The following RAB3C variants were observed in gnomAD, a reference collection of about 807,000 sequenced individuals.
RAB3C encodes ras-related protein Rab-3C.
RAB3C carries 17 observed loss-of-function variants against 26.4 expected under a neutral mutation model. That is an observed-to-expected ratio of 0.64 (90% CI 0.44 to 0.97). The LOEUF is 0.97. Ranked by LOEUF, RAB3C falls within the 50% of genes least tolerant of loss-of-function variation. The pLI is 0.00. For synonymous variants in RAB3C, 91 were observed against 95.9 expected, an observed-to-expected ratio of 0.95 and a Z score of 0.30; for missense variants, 242 against 281.9, an observed-to-expected ratio of 0.86 and a Z score of 1.01.
intron 2 of RAB3C, among the ~76,000 whole-genome samples, chr5:58,666,250 G>A (rs1343337620): frequency 6.6e-6 from 1 of 152,170 alleles, no homozygotes; most frequent in Non-Finnish European, 1.5e-5. Context: ...TTTATTGTTT[G>A]TAATGTTCAT....
At chr5:58,679,050 C>T (rs1364248466) in intron 2 of RAB3C, among the ~76,000 whole-genome samples, 1 of 152,126 alleles carries the variant, frequency 6.6e-6, no homozygotes, top group Non-Finnish European at 1.5e-5. Context: ...TTCTTCCACC[C>T]CAATGATGCA....
At chr5:58,582,826 C>T (rs930720099), upstream of RAB3C, among the ~76,000 whole-genome samples, 1 of 152,178 alleles carries the variant, frequency 6.6e-6, no homozygotes, top group Non-Finnish European at 1.5e-5. Flanking sequence ...ATTCGCCTGC[C>T]CCTGGCGAGG....
chr5:58,754,026 T>C (rs935458405), intron 3 of RAB3C, among the ~76,000 whole-genome samples: 3 of 151,838 alleles, frequency 2.0e-5, no homozygotes, highest in African/African-American at 7.3e-5. Context: ...GGTCGGGGGG[T>C]TGGAAGTCGG....
chr5:58,608,273 G>C (rs1485548660), intron 1 of RAB3C, among the ~76,000 whole-genome samples: 2 of 151,798 alleles, frequency 1.3e-5, no homozygotes, highest in Non-Finnish European at 2.9e-5. Context: ...AAAAGAGCAG[G>C]GGTTGCATCT....
At chr5:58,677,185 G>A (rs1440566007) in intron 2 of RAB3C, among the ~76,000 whole-genome samples, 1 of 152,086 alleles carries the variant, frequency 6.6e-6, no homozygotes. Context: ...AAAGACACTA[G>A]TCATATTGGA....
intron 2 of RAB3C, among the ~76,000 whole-genome samples, chr5:58,630,067 C>T (rs542999503): frequency 6.6e-6 from 1 of 152,236 alleles, no homozygotes; most frequent in African/African-American, 2.4e-5. Flanking sequence ...ATATACCTAA[C>T]TCAGAACCAA....
intron 3 of RAB3C, among the ~76,000 whole-genome samples, chr5:58,792,113 G>C (rs1268047896): frequency 6.6e-6 from 1 of 152,212 alleles, no homozygotes; most frequent in East Asian, 1.9e-4. Context: ...GAAATTAGTT[G>C]ATAATGGGAG....
At chr5:58,697,479 G>A (rs1748739483) in intron 2 of RAB3C, among the ~76,000 whole-genome samples, 1 of 152,156 alleles carries the variant, frequency 6.6e-6, no homozygotes, top group Non-Finnish European at 1.5e-5. Context: ...GGATATCCTT[G>A]TTAAGCTTCT....
In RAB3C at chr5:58,655,446, T is replaced by G. The variant is rs528074290; in HGVS notation, c.252+37576T>G. 2.6e-5 allele frequency among the ~76,000 whole-genome samples: 4 copies of G among 152,346 alleles called. No individual in the cohort carries two copies. In the East Asian group the frequency reaches 7.7e-4, roughly 29 times the overall value. ...CAGAGAAAGATAAAACCGGAATCGC[T>G]CTTTGATTGTCGTGTAATTGTTGGG... On this transcript the variant is annotated intron_variant, in intron 2 of 4. Coordinates refer to ENST00000282878, the MANE Select transcript of RAB3C (RefSeq NM_138453.4).
chr5:58,587,859 C>G lies in RAB3C; in HGVS notation c.24+4627C>G, dbSNP rs373962750. ...TGGGAAGGTTCAAAAGTCACTCAGCCCTGCAGAGTGACTTAACCATAGGAG... is the reference window on the plus strand; with the variant it reads ...TGGGAAGGTTCAAAAGTCACTCAGCGCTGCAGAGTGACTTAACCATAGGAG... On this transcript the variant is annotated intron_variant, in intron 1 of 4. Coordinates refer to ENST00000282878, the MANE Select transcript of RAB3C (RefSeq NM_138453.4). Among the ~76,000 whole-genome samples, 16 of 152,098 alleles carry G rather than the reference C, an allele frequency of 1.1e-4. 1 individual carries two copies. In the South Asian group the frequency reaches 1.7e-3, roughly 16 times the overall value.
At chr5:58,588,500 T>G (rs1746059391) in intron 1 of RAB3C, among the ~76,000 whole-genome samples, 1 of 152,240 alleles carries the variant, frequency 6.6e-6, no homozygotes, top group African/African-American at 2.4e-5. Context: ...GCCACTTATA[T>G]ATCTTCCCTT....
intron 2 of RAB3C, among the ~76,000 whole-genome samples, chr5:58,664,661 A>G (rs758316492): frequency 6.6e-6 from 1 of 152,152 alleles, no homozygotes; most frequent in Admixed American, 6.6e-5. Context: ...ATCTCTTTAT[A>G]TCATTTCTTA....
intron 4 of RAB3C, among the ~76,000 whole-genome samples, chr5:58,831,847 G>T (rs1379502248): frequency 2.0e-5 from 3 of 152,154 alleles, no homozygotes; most frequent in Non-Finnish European, 4.4e-5. Flanking sequence ...TATAGAGAAA[G>T]GTTCTCGATC....
chr5:58,714,019 G>A (rs1011493969), intron 2 of RAB3C, among the ~76,000 whole-genome samples: 5 of 152,174 alleles, frequency 3.3e-5, no homozygotes, highest in African/African-American at 1.2e-4. Flanking sequence ...GAATGTAAAT[G>A]TAGCCACATC....
intron 3 of RAB3C, among the ~76,000 whole-genome samples, chr5:58,730,643 G>C (rs1024837448): frequency 6.6e-6 from 1 of 152,016 alleles, no homozygotes; most frequent in Non-Finnish European, 1.5e-5. Context: ...CCAACAAAAT[G>C]CACTTTGATT....
chr5:58,710,494 G>A (rs1252127615), intron 2 of RAB3C, among the ~76,000 whole-genome samples: 1 of 151,954 alleles, frequency 6.6e-6, no homozygotes, highest in Non-Finnish European at 1.5e-5. Flanking sequence ...AGCTACTCAA[G>A]AGGCTGAGGC....
chr5:58,794,584 T>G (rs1432178510), intron 3 of RAB3C: 1 of 152,188 alleles, frequency 6.6e-6, no homozygotes, highest in East Asian at 1.9e-4. Context: ...GTGTGAATAT[T>G]CACCAATCTA....
At chr5:58,828,479 C>T (rs1408191831) in intron 4 of RAB3C, among the ~76,000 whole-genome samples, 2 of 152,192 alleles carry the variant, frequency 1.3e-5, no homozygotes, top group Non-Finnish European at 2.9e-5. Flanking sequence ...CACCACTCCT[C>T]TCTCTCTACA....
At chr5:58,591,898 A>AT (rs36103498) in intron 1 of RAB3C, among the ~76,000 whole-genome samples, 151 of 118,584 alleles carry the variant, frequency 1.3e-3, no homozygotes, top group South Asian at 0.011. Context: ...TTCTTTTTCT[A>AT]TTTTTTTTTT....
Sources: allele counts gnomAD v4.1 joint callset (sites outside exome capture counted in the v4.1 genomes callset), GRCh38; gene constraint gnomAD v4.1.1; transcripts MANE v1.5; gene names NCBI Gene and HGNC (gene_info 2026-07-23, HGNC 2026-07-21).